The following EYS variants were observed in gnomAD, a reference collection of about 807,000 sequenced individuals.
EYS encodes the protein EGF-like photoreceptor maintenance factor, also known as protein eyes shut homolog.
Under a neutral mutation model 282.1 loss-of-function variants are expected in EYS, and 250 were observed. The observed-to-expected ratio is 0.89, with a 90% CI of 0.80 to 0.98. The LOEUF (loss-of-function observed/expected upper bound fraction) is 0.98, where lower values mean the gene tolerates loss of function less well. Among genes scored for constraint, EYS ranks in the 50% least tolerant of loss-of-function variants. The pLI, the probability that EYS is intolerant of heterozygous loss-of-function variation, is 0.00. For missense variants in EYS, 4,016 were observed against 3,709.0 expected (o/e 1.08, Z -2.15); for synonymous variants, 1,355 against 1,282.9 (o/e 1.06, Z -1.20).
At chr6:64,131,041 T>C (rs1283826334) in intron 31 of EYS, among the ~76,000 whole-genome samples, 1 of 152,102 alleles carries the variant, frequency 6.6e-6, no homozygotes, top group Non-Finnish European at 1.5e-5. Flanking sequence ...CTAATTTTTG[T>C]ATTTTTAGTA....
At chr6:65,008,442 G>C (rs538983133) in intron 13 of EYS, among the ~76,000 whole-genome samples, 1 of 146,212 alleles carries the variant, frequency 6.8e-6, no homozygotes, top group South Asian at 2.2e-4. Flanking sequence ...AGGAGGAGCA[G>C]GTGGAACAGG....
At chr6:65,085,307 C>T (rs1198843659) in intron 12 of EYS, among the ~76,000 whole-genome samples, 2 of 152,126 alleles carry the variant, frequency 1.3e-5, no homozygotes, top group African/African-American at 4.8e-5. Flanking sequence ...TGTGATTGAT[C>T]TGAAGTAAGG....
At chr6:65,039,510 A>C (rs1772869518) in intron 13 of EYS, among the ~76,000 whole-genome samples, 1 of 151,554 alleles carries the variant, frequency 6.6e-6, no homozygotes, top group African/African-American at 2.4e-5. Context: ...CAATTTTTAA[A>C]AAAAACTACT....
At chr6:65,031,757 T>C (rs1772612517) in intron 13 of EYS, among the ~76,000 whole-genome samples, 1 of 151,874 alleles carries the variant, frequency 6.6e-6, no homozygotes, top group African/African-American at 2.4e-5. Context: ...TTTATAGCAC[T>C]AAAGGCTCAC....
chr6:65,128,006 C>A (rs1775768650), intron 12 of EYS, among the ~76,000 whole-genome samples: 1 of 151,822 alleles, frequency 6.6e-6, no homozygotes, highest in African/African-American at 2.4e-5. Flanking sequence ...TGAAAGATCC[C>A]AAAATGGAAG....
chr6:65,065,382 C>A (rs929694396), intron 12 of EYS, among the ~76,000 whole-genome samples: 2 of 147,520 alleles, frequency 1.4e-5, no homozygotes, highest in Admixed American at 6.9e-5. Context: ...GGGAAAAAAA[C>A]AATTTTTTTT....
chr6:65,169,083 G>A (rs987612951), intron 12 of EYS, among the ~76,000 whole-genome samples: 2 of 151,366 alleles, frequency 1.3e-5, no homozygotes, highest in African/African-American at 4.8e-5. Context: ...ATGTACTAAT[G>A]TACTTGTATT....
In EYS at chr6:63,727,724, A is replaced by AT. The variant is rs1194447100; in HGVS notation, c.8072-1045_8072-1044insA. Among the ~76,000 whole-genome samples, 97 of 95,666 alleles carry AT rather than the reference A, an allele frequency of 1.0e-3. 2 individuals are homozygous for AT. Among genetic ancestry groups the AT allele is most frequent in the African/African-American group, 5.4e-3 (92 of 16,894 alleles). The allele number at this position is 95,666 out of a possible 152,430, so 62.8% of individuals were successfully genotyped here. A position where few individuals can be genotyped will look rare whatever the true frequency, so the allele number is the denominator to read the frequency against. On this transcript the variant is annotated intron_variant, in intron 41 of 42. Coordinates refer to ENST00000503581, the MANE Select transcript of EYS (RefSeq NM_001142800.2). Reference sequence around the variant, plus strand: ...CATCTCTCAAAAAAAAAAAAAAAAAAAAAAAAAAAAAAAATATATATATAT... The same window carrying AT: ...CATCTCTCAAAAAAAAAAAAAAAAAATAAAAAAAAAAAAAATATATATATAT...
At chr6:65,485,393 CTG>C (rs1667944413) in intron 5 of EYS, among the ~76,000 whole-genome samples, 1 of 152,230 alleles carries the variant, frequency 6.6e-6, no homozygotes, top group Admixed American at 6.5e-5. Context: ...GATCAAATGA[CTG>C]TCCCAAAATT....
chr6:64,794,721 G>T (rs1488753591), intron 22 of EYS, among the ~76,000 whole-genome samples: 9 of 152,030 alleles, frequency 5.9e-5, no homozygotes, highest in Non-Finnish European at 1.2e-4. Context: ...TTAAAAAGGA[G>T]AAAATCCTGC....
At chr6:64,946,951 C>A (rs1315947768) in intron 14 of EYS, among the ~76,000 whole-genome samples, 1 of 151,830 alleles carries the variant, frequency 6.6e-6, no homozygotes, top group African/African-American at 2.4e-5. Context: ...ACAGAGATCT[C>A]TTTTAATTTC....
intron 12 of EYS, among the ~76,000 whole-genome samples, chr6:65,293,306 G>A (rs746039129): frequency 2.0e-5 from 3 of 150,996 alleles, no homozygotes; most frequent in African/African-American, 7.3e-5. Context: ...AAATATTATA[G>A]ATATAAATAA....
intron 22 of EYS, among the ~76,000 whole-genome samples, chr6:64,769,855 C>T (rs1434210777): frequency 6.6e-6 from 1 of 151,772 alleles, no homozygotes; most frequent in African/African-American, 2.4e-5. Flanking sequence ...GTTTAAGGAA[C>T]TAAAAGTATT....
In EYS at chr6:64,526,498, A is replaced by G. The variant is rs1777924304; in HGVS notation, c.5644+63725T>C. Among the ~76,000 whole-genome samples the G allele has an allele frequency of 2.0e-5, 3 of 151,856 alleles. No individual in the cohort carries two copies. The South Asian group carries it at 6.2e-4, about 31-fold the overall frequency. On this transcript the variant is annotated intron_variant, in intron 26 of 42. Transcript: ENST00000503581. ...ATTATATATTTTTTCCAGACTTAAAATATAGATTATGACCAAATTGTTACA... is the reference window on the plus strand; with the variant it reads ...ATTATATATTTTTTCCAGACTTAAAGTATAGATTATGACCAAATTGTTACA...
chr6:64,633,848 G>A (rs777850018), intron 22 of EYS, among the ~76,000 whole-genome samples: 1 of 152,014 alleles, frequency 6.6e-6, no homozygotes, highest in Non-Finnish European at 1.5e-5. Flanking sequence ...ACCCCATGTG[G>A]GTCTTTATAT....
At chr6:63,938,006 T>C (rs1765124178) in intron 35 of EYS, among the ~76,000 whole-genome samples, 1 of 152,244 alleles carries the variant, frequency 6.6e-6, no homozygotes, top group Admixed American at 6.5e-5. Flanking sequence ...ATTGGAATGA[T>C]ATTTCTCACT....
At chr6:64,439,939 C>T (rs1774879697) in intron 26 of EYS, among the ~76,000 whole-genome samples, 1 of 151,680 alleles carries the variant, frequency 6.6e-6, no homozygotes, top group Non-Finnish European at 1.5e-5. Context: ...TTAATAAAAC[C>T]AAGTTAGCTT....
intron 26 of EYS, among the ~76,000 whole-genome samples, chr6:64,579,686 G>T (rs1034349550): frequency 6.6e-6 from 1 of 152,060 alleles, no homozygotes; most frequent in African/African-American, 2.4e-5. Context: ...CTTAGAACAT[G>T]AAAATGCCCA....
intron 35 of EYS, among the ~76,000 whole-genome samples, chr6:63,881,860 A>C (rs1773141043): frequency 6.6e-6 from 1 of 152,208 alleles, no homozygotes; most frequent in African/African-American, 2.4e-5. Context: ...AAAAAAATGC[A>C]GGTCAAGCGA....
Sources: gnomAD v4.1 joint callset for allele counts (sites outside exome capture counted in the v4.1 genomes callset) on GRCh38, gnomAD v4.1.1 for gene constraint, MANE v1.5 for transcripts, NCBI Gene and HGNC (gene_info 2026-07-23, HGNC 2026-07-21) for gene names.